The following AK5 variants were observed in gnomAD, a reference collection of about 807,000 sequenced individuals.
The protein encoded by AK5 is adenylate kinase 5.
In AK5, 27 loss-of-function variants were observed where a neutral mutation model predicts 69.5. That is an observed-to-expected ratio of 0.39 (90% CI 0.29 to 0.54). The LOEUF is 0.54. AK5 is among the 20% of genes least tolerant of loss of function. The pLI is 0.71. For synonymous variants in AK5, 260 were observed against 244.4 expected, an observed-to-expected ratio of 1.06 and a Z score of -0.60; for missense variants, 531 against 700.4, an observed-to-expected ratio of 0.76 and a Z score of 2.73.
Position 77,467,198 on chromosome 1 carries a change from G to T in AK5, c.1060-16119G>T, listed in dbSNP as rs559970733. Among the ~76,000 whole-genome samples, 4 of 152,318 alleles carry T rather than the reference G, an allele frequency of 2.6e-5. No individual in the cohort carries two copies. In the South Asian group the frequency reaches 8.3e-4, roughly 32 times the overall value. ...TTGGAGTTCAGTCCCCTGGGTCAAGGTATCAGCTCTCTTACATACCAGGTG... is the reference window on the plus strand; with the variant it reads ...TTGGAGTTCAGTCCCCTGGGTCAAGTTATCAGCTCTCTTACATACCAGGTG... On this transcript the variant is annotated intron_variant, in intron 8 of 13. Coordinates refer to ENST00000354567, the MANE Select transcript of AK5 (RefSeq NM_174858.3).
intron 12 of AK5, among the ~76,000 whole-genome samples, chr1:77,535,196 C>G (rs1253730912): frequency 1.3e-5 from 2 of 152,166 alleles, no homozygotes; most frequent in Admixed American, 6.5e-5. Context: ...ACTCTAAAAG[C>G]ATGGACATTA....
intron 13 of AK5, among the ~76,000 whole-genome samples, chr1:77,551,224 A>AAC (rs3077617): frequency 0.019 from 2,820 of 149,966 alleles, 93 homozygotes; most frequent in African/African-American, 0.064. Context: ...GGCCTTTCCC[A>AAC]ACACACACAC....
In AK5 at chr1:77,412,345, C is replaced by G. The variant is rs535738840; in HGVS notation, c.982+1274C>G. 7.8e-4 allele frequency among the ~76,000 whole-genome samples: 119 copies of G among 152,290 alleles called. 3 individuals carry two copies. The highest frequency in any genetic ancestry group is 6.5e-3 in the Admixed American group (99 of 15,294). Reference sequence around the variant, plus strand: ...TTGGTAAAGTGCATAGTGCCTGAGCCTTAACAGCAGTTTCCAGGTGTCTAC... The same window carrying G: ...TTGGTAAAGTGCATAGTGCCTGAGCGTTAACAGCAGTTTCCAGGTGTCTAC... On this transcript the variant is annotated intron_variant, in intron 7 of 13. Transcript: ENST00000354567.
At chr1:77,443,177 A>G (rs1652435557) in intron 8 of AK5, among the ~76,000 whole-genome samples, 1 of 152,208 alleles carries the variant, frequency 6.6e-6, no homozygotes, top group Admixed American at 6.5e-5. Context: ...GCACTTGATT[A>G]TACATGTTGA....
intron 5 of AK5, among the ~76,000 whole-genome samples, chr1:77,338,672 A>G (rs867432976): frequency 2.6e-5 from 4 of 152,168 alleles, no homozygotes; most frequent in African/African-American, 4.8e-5. Flanking sequence ...AAACACCCCC[A>G]CTTCAGGGAT....
chr1:77,387,674 G>A (rs529758925), intron 6 of AK5, among the ~76,000 whole-genome samples: 3 of 152,242 alleles, frequency 2.0e-5, no homozygotes, highest in Non-Finnish European at 4.4e-5. Flanking sequence ...GACCTAGAAC[G>A]TCTTCATTTA....
chr1:77,322,338 G>T (rs1440796615), intron 5 of AK5, among the ~76,000 whole-genome samples: 2 of 151,546 alleles, frequency 1.3e-5, no homozygotes, highest in East Asian at 1.9e-4. Flanking sequence ...TTAACTAATG[G>T]TCTCCATGAG....
At chr1:77,298,853 A>G (rs913972199) in intron 5 of AK5, among the ~76,000 whole-genome samples, 2 of 152,146 alleles carry the variant, frequency 1.3e-5, no homozygotes, top group Admixed American at 6.6e-5. Context: ...TTTTCTTTTA[A>G]TTACAGAAGT....
chr1:77,370,207 A>G (rs1647094328), intron 6 of AK5, among the ~76,000 whole-genome samples: 1 of 152,116 alleles, frequency 6.6e-6, no homozygotes, highest in Non-Finnish European at 1.5e-5. Flanking sequence ...CTCCTGTCCC[A>G]AGCCACGGGT....
chr1:77,345,047 T>C (rs1661844366), intron 6 of AK5, among the ~76,000 whole-genome samples: 3 of 151,634 alleles, frequency 2.0e-5, no homozygotes, highest in African/African-American at 7.3e-5. Flanking sequence ...CCAGAATGCA[T>C]TCAAAACTTT....
At chr1:77,463,947 T>C (rs182028632) in intron 8 of AK5, among the ~76,000 whole-genome samples, 1 of 152,288 alleles carries the variant, frequency 6.6e-6, no homozygotes, top group East Asian at 1.9e-4. Flanking sequence ...AGGTATCCAG[T>C]ATATTGAGAA....
intron 6 of AK5, among the ~76,000 whole-genome samples, chr1:77,342,223 G>T (rs965885109): frequency 3.9e-5 from 6 of 151,928 alleles, no homozygotes; most frequent in African/African-American, 1.5e-4. Flanking sequence ...CTTCCACATT[G>T]TATCATAAAA....
rs913958230 is a variant in AK5 at position 77,348,970 on chromosome 1, G to T, written c.891+8402G>T. 7.9e-5 allele frequency among the ~76,000 whole-genome samples: 12 copies of T among 152,106 alleles called. No homozygotes were observed. The Middle Eastern group carries it at 0.014, about 172-fold the overall frequency. On this transcript the variant is annotated intron_variant, in intron 6 of 13. Transcript: ENST00000354567. ...AGACTAAATTTTTTTCATGTTTAAG[G>T]CCAAACTAATTGGAATTAATCAATA...
chr1:77,461,781 A>G (rs564240433), intron 8 of AK5, among the ~76,000 whole-genome samples: 12 of 152,220 alleles, frequency 7.9e-5, no homozygotes, highest in East Asian at 3.9e-4. Flanking sequence ...AAAAAAAAAA[A>G]AAAGAAAGAA....
rs542249400 is a variant in AK5 at position 77,520,188 on chromosome 1, G to A, written c.1311+1461G>A. On this transcript the variant is annotated intron_variant, in intron 11 of 13. Coordinates refer to ENST00000354567, the MANE Select transcript of AK5 (RefSeq NM_174858.3). ...TCTGCACTCCAGCCCAGGCAACAGC[G>A]TGAAACTCCATCTCAAAAAAAAAAA... 5.2e-5 allele frequency among the ~76,000 whole-genome samples: 7 copies of A among 135,366 alleles called. No homozygotes were observed. The East Asian group carries it at 6.6e-4, about 13-fold the overall frequency. The allele number at this position is 135,366 out of a possible 152,430, so 88.8% of individuals were successfully genotyped here.
At chr1:77,329,739 T>A (rs1454326452) in intron 5 of AK5, among the ~76,000 whole-genome samples, 1 of 152,196 alleles carries the variant, frequency 6.6e-6, no homozygotes, top group African/African-American at 2.4e-5. Context: ...GGGCTGGGGA[T>A]AGCCTGGAGC....
chr1:77,462,510 A>G (rs1440334498), intron 8 of AK5, among the ~76,000 whole-genome samples: 2 of 152,180 alleles, frequency 1.3e-5, no homozygotes, highest in Non-Finnish European at 2.9e-5. Context: ...GCTATTTAAT[A>G]TGCTAACATC....
intron 6 of AK5, among the ~76,000 whole-genome samples, chr1:77,367,567 A>ATATATATATAT (rs1553139680): frequency 1.1e-4 from 1 of 8,754 alleles, no homozygotes; most frequent in African/African-American, 2.0e-4. Context: ...TTATATATAT[A>ATATATATATAT]TATATATATA....
At chr1:77,460,794 G>T (rs59029032) in intron 8 of AK5, among the ~76,000 whole-genome samples, 6,906 of 152,054 alleles carry the variant, frequency 0.045, 397 homozygotes, top group East Asian at 0.19. Context: ...TGCAATCTCG[G>T]CTCACTGCAA....
Sources: gnomAD v4.1 joint callset for allele counts (sites outside exome capture counted in the v4.1 genomes callset) on GRCh38, gnomAD v4.1.1 for gene constraint, MANE v1.5 for transcripts, NCBI Gene and HGNC (gene_info 2026-07-23, HGNC 2026-07-21) for gene names.